The following HLA-DMA variants were observed in gnomAD, a reference collection of about 807,000 sequenced individuals.
HLA-DMA encodes the protein major histocompatibility complex, class II, DM alpha.
In HLA-DMA, 20 loss-of-function variants were observed where a neutral mutation model predicts 27.3. The ratio of observed to expected loss-of-function variants is 0.73; its 90% CI spans 0.52 to 1.07. The LOEUF (loss-of-function observed/expected upper bound fraction) is 1.07, where lower values mean the gene tolerates loss of function less well. HLA-DMA is among the 50% of genes least tolerant of loss of function. The pLI is 0.00. For missense variants in HLA-DMA, 241 were observed against 321.7 expected (o/e 0.75, Z 1.92); for synonymous variants, 111 against 126.8 (o/e 0.88, Z 0.83).
chr6:32,952,897 C>T, intron 1 of HLA-DMA, 52 bp downstream of exon 1: 1 of 1,406,178 alleles, frequency 7.1e-7, no homozygotes, highest in Non-Finnish European at 1.0e-6. Context: ...CCTCACAAAG[C>T]TGAGTGGGCT....
In HLA-DMA at chr6:32,952,984, A is replaced by C; in HGVS notation, c.53T>G (p.Leu18Arg). The stretch of plus-strand genomic sequence containing the variant: ...GGCCCAGGAGTGGGGTAGCAGCCAC[A>C]GAAGTGGTAACATCTGTAGCAGCGC... ...GAALLQMLPLLWLLPHSWAVP... is the reference protein window; with the variant it reads ...GAALLQMLPLRWLLPHSWAVP... The change falls in exon 1 of 5, where the codon CTG becomes CGG. Residue 18 changes from leucine to arginine, a missense_variant. Leu to Arg is a moderately radical substitution (Grantham distance 102). Coordinates refer to ENST00000374843, the MANE Select transcript of HLA-DMA (RefSeq NM_006120.4). 1 of 1,612,994 alleles carries C rather than the reference A, an allele frequency of 6.2e-7. No individual in the cohort carries two copies. Among genetic ancestry groups the C allele is most frequent in the Admixed American group, 1.7e-5 (1 of 60,024 alleles).
At position 32,949,296 on chromosome 6, in the gene HLA-DMA, G is replaced by C; in HGVS notation, c.756C>G (p.Ile252Met). The change falls in exon 4 of 5, where the codon ATC becomes ATG. Residue 252 changes from isoleucine to methionine, a missense_variant. Physicochemically the swap from Ile to Met is conservative, Grantham distance 10. Transcript: ENST00000374843. This position sits in a 1 kb window ranked among gnomAD's most constrained non-coding sequence, Gnocchi z 5.8. ...CACCTGAGCAAGGCTTCCGGAAGTA[G>C]ATGATGAGAACAATGCCCACGATGA... is the stretch of plus-strand genomic sequence containing the variant. The part of the protein sequence containing the change: ...LGIIVGIVLI[I>M]YFRKPCSGD 6.2e-7 allele frequency: 1 copy of C among 1,614,206 alleles called. No individual in the cohort carries two copies. Among genetic ancestry groups the C allele is most frequent in the Non-Finnish European group, 8.5e-7 (1 of 1,180,034 alleles).
In HLA-DMA at chr6:32,950,413, A is replaced by G; in HGVS notation, c.373+106T>C. On this transcript the variant is annotated intron_variant, in intron 2 of 4. Transcript: ENST00000374843. The surrounding 1 kb of genome is among the most constrained non-coding windows in gnomAD (Gnocchi z 5.0). ...AAAAATTAAGGTGATGAAGAGAACC[A>G]GAAAGTATTTGAGATGGGGAGCTGG... is the stretch of plus-strand genomic sequence containing the variant. 1.5e-6 allele frequency: 2 copies of G among 1,365,172 alleles called. No homozygotes were observed. The highest frequency in any genetic ancestry group is 2.0e-6 in the Non-Finnish European group (2 of 981,742). 84.6% of individuals were successfully genotyped at this position (1,365,172 alleles called of 1,614,324 possible). A position where few individuals can be genotyped will look rare whatever the true frequency, so the allele number is the denominator to read the frequency against.
In HLA-DMA at chr6:32,952,959, G is replaced by C. The variant is rs745478147; in HGVS notation, c.78C>G (p.Ala26=). 6 of 1,612,020 alleles carry C rather than the reference G, an allele frequency of 3.7e-6. No individual in the cohort carries two copies. The South Asian group carries it at 5.5e-5, about 15-fold the overall frequency. The change falls in exon 1 of 5, where the codon GCC becomes GCG. Residue 26 remains alanine (A), a synonymous_variant. Coordinates refer to ENST00000374843, the MANE Select transcript of HLA-DMA (RefSeq NM_006120.4). ...PLLWLLPHSW[A]VPEAPTPMWP... The stretch of plus-strand genomic sequence containing the variant: ...GGAGTACCATCTTACCTTCAGGGAC[G>C]GCCCAGGAGTGGGGTAGCAGCCACA...
chr6:32,952,379 A>G (rs750880147), intron 1 of HLA-DMA: 1 of 471,388 alleles, frequency 2.1e-6, no homozygotes, highest in Non-Finnish European at 4.4e-6. Flanking sequence ...AAAGACAGCA[A>G]TGGGAGAAGT....
intron 1 of HLA-DMA, among the ~76,000 whole-genome samples, chr6:32,951,239 T>A (rs1776885218): frequency 6.6e-6 from 1 of 152,082 alleles, no homozygotes; most frequent in Non-Finnish European, 1.5e-5. Flanking sequence ...AGACTCCCCC[T>A]CCCAAAGGGG....
rs370209583 is a variant in HLA-DMA, at chr6:32,950,703, G to A, written c.189C>T (p.Tyr63=). ...GSPSVGLSEA[Y]DEDQLFFFDF... ...CGAAGAAGAAAAGCTGGTCCTCGTC[G>A]TAGGCCTCAGAGAGTCCCACACTGG... is the stretch of plus-strand genomic sequence containing the variant. The change falls in exon 2 of 5, where the codon TAC becomes TAT. Residue 63 remains tyrosine, a synonymous_variant. Coordinates refer to ENST00000374843, the MANE Select transcript of HLA-DMA (RefSeq NM_006120.4). The surrounding 1 kb of genome is among the most constrained non-coding windows in gnomAD (Gnocchi z 5.0). 26 of 1,612,966 alleles carry A rather than the reference G, an allele frequency of 1.6e-5. No homozygotes were observed. Among genetic ancestry groups the A allele is most frequent in the African/African-American group, 2.7e-5 (2 of 74,922 alleles).
rs757266579 is a variant in HLA-DMA, at chr6:32,950,664, G to A, written c.228C>T (p.Asn76=). The change falls in exon 2 of 5, where the codon AAC becomes AAT. Residue 76 remains asparagine (N), a synonymous_variant. Coordinates refer to ENST00000374843, the MANE Select transcript of HLA-DMA (RefSeq NM_006120.4). This position sits in a 1 kb window ranked among gnomAD's most constrained non-coding sequence, Gnocchi z 5.0. ...DQLFFFDFSQ[N]TRVPRLPEFA... ...ATTCGGGCAGGCGAGGCACCCGAGT[G>A]TTCTGGGAAAAGTCGAAGAAGAAAA... 6.8e-6 allele frequency: 11 copies of A among 1,613,116 alleles called. No homozygotes were observed. The Middle Eastern group carries it at 4.9e-4, about 73-fold the overall frequency.
chr6:32,951,043 G>A (rs577068638), intron 1 of HLA-DMA, among the ~76,000 whole-genome samples: 5 of 152,208 alleles, frequency 3.3e-5, no homozygotes, highest in South Asian at 2.1e-4. Flanking sequence ...GTAGCTACTC[G>A]GGAGGCTGAG....
In HLA-DMA at chr6:32,948,772, C is replaced by T. The variant is rs1582836590; in HGVS notation, c.*92G>A. 1 of 1,270,858 alleles carries T rather than the reference C, an allele frequency of 7.9e-7. No individual in the cohort carries two copies. Among genetic ancestry groups the T allele is most frequent in the Non-Finnish European group, 1.1e-6 (1 of 880,758 alleles). 78.7% of individuals were successfully genotyped at this position (1,270,858 alleles called of 1,614,324 possible). On this transcript the variant is annotated 3_prime_UTR_variant, in exon 5 of 5. Coordinates refer to ENST00000374843, the MANE Select transcript of HLA-DMA (RefSeq NM_006120.4). ...CAGGGATGTCCCAGAGACTTCTACCCTAAGAGGAGATCCTGGGCAGGATGT... is the reference window on the plus strand; with the variant it reads ...CAGGGATGTCCCAGAGACTTCTACCTTAAGAGGAGATCCTGGGCAGGATGT...
At position 32,949,980 on chromosome 6, in the gene HLA-DMA, G is replaced by C; in HGVS notation, c.374-91C>G. On this transcript the variant is annotated intron_variant, in intron 2 of 4. Transcript: ENST00000374843. The surrounding 1 kb of genome is among the most constrained non-coding windows in gnomAD (Gnocchi z 5.8). ...GGGGCCATGGCATATGGAGGGGAGG[G>C]CAGAGAAGAACACAGTGGGTCAGGC... The C allele has an allele frequency of 6.2e-3, 6,613 of 1,064,424 alleles. No homozygotes were observed. Among genetic ancestry groups the C allele is most frequent in the Non-Finnish European group, 8.5e-3 (6,036 of 714,034 alleles). The allele number at this position is 1,064,424 out of a possible 1,614,324, so 65.9% of individuals were successfully genotyped here. A position where few individuals can be genotyped will look rare whatever the true frequency, so the allele number is the denominator to read the frequency against.
At chr6:32,951,237 C>A (rs1276360271) in intron 1 of HLA-DMA, among the ~76,000 whole-genome samples, 1 of 152,166 alleles carries the variant, frequency 6.6e-6, no homozygotes, top group East Asian at 1.9e-4. Context: ...TTAGACTCCC[C>A]CTCCCAAAGG....
chr6:32,949,622 A>G lies in HLA-DMA; in HGVS notation c.641T>C (p.Ile214Thr), dbSNP rs1443235059. 5 of 1,613,034 alleles carry G rather than the reference A, an allele frequency of 3.1e-6. No homozygotes were observed. The African/African-American group carries it at 4.0e-5, about 13-fold the overall frequency. The change falls in exon 3 of 5, where the codon ATT becomes ACT. Residue 214 changes from isoleucine to threonine, a missense_variant. Physicochemically the swap from Ile to Thr is moderately conservative, Grantham distance 89. Transcript: ENST00000374843. The surrounding 1 kb of genome is among the most constrained non-coding windows in gnomAD (Gnocchi z 5.8). ...VTHEIDRYTA[I>T]AYWVPRNALP... ...GGAGAAAGCCTCACCCCAATAGGCAATTGCTGTGTAGCGGTCAATTTCGTG... is the reference window on the plus strand; with the variant it reads ...GGAGAAAGCCTCACCCCAATAGGCAGTTGCTGTGTAGCGGTCAATTTCGTG...
intron 1 of HLA-DMA, 55 bp downstream of exon 1, chr6:32,952,892 CAA>C: frequency 7.3e-7 from 1 of 1,378,864 alleles, no homozygotes; most frequent in Non-Finnish European, 1.0e-6. Context: ...CTTTTCCTCA[CAA>C]AGCTGAGTGG....
intron 1 of HLA-DMA, chr6:32,952,492 T>C (rs1030765385): frequency 4.3e-6 from 2 of 462,646 alleles, no homozygotes; most frequent in Non-Finnish European, 9.0e-6. Flanking sequence ...AAACAGACAT[T>C]TGGAGGAAGA....
Position 32,949,302 on chromosome 6 carries a change from G to A in HLA-DMA, c.750C>T (p.Leu250=), listed in dbSNP as rs957983840. 2.5e-6 allele frequency: 4 copies of A among 1,614,082 alleles called. No homozygotes were observed. The highest frequency in any genetic ancestry group is 3.4e-6 in the Non-Finnish European group (4 of 1,180,038). Residue 250 remains leucine, a synonymous_variant, in exon 4 of 5, where the codon CTC becomes CTT. Coordinates refer to ENST00000374843, the MANE Select transcript of HLA-DMA (RefSeq NM_006120.4). This position sits in a 1 kb window ranked among gnomAD's most constrained non-coding sequence, Gnocchi z 5.8. ...AGCAAGGCTTCCGGAAGTAGATGAT[G>A]AGAACAATGCCCACGATGATGCCCA... ...GVLGIIVGIV[L]IIYFRKPCSG...
chr6:32,950,903 T>C lies in HLA-DMA; in HGVS notation c.89-100A>G. The C allele has an allele frequency of 1.6e-6, 2 of 1,255,650 alleles. No individual in the cohort carries two copies. The highest frequency in any genetic ancestry group is 2.2e-6 in the Non-Finnish European group (2 of 905,354). 77.8% of individuals were successfully genotyped at this position (1,255,650 alleles called of 1,614,324 possible). A position where few individuals can be genotyped will look rare whatever the true frequency, so the allele number is the denominator to read the frequency against. Reference sequence around the variant, plus strand: ...TAGGCGCAGTGGCTCATGCCTGTAATCCCAGCACTTTGGGAGGCCAAGGTG... The same window carrying C: ...TAGGCGCAGTGGCTCATGCCTGTAACCCCAGCACTTTGGGAGGCCAAGGTG... On this transcript the variant is annotated intron_variant, in intron 1 of 4. Coordinates refer to ENST00000374843, the MANE Select transcript of HLA-DMA (RefSeq NM_006120.4). The surrounding 1 kb of genome is among the most constrained non-coding windows in gnomAD (Gnocchi z 5.0).
rs1208541740 is a variant in HLA-DMA at position 32,950,764 on chromosome 6, G to A, written c.128C>T (p.Thr43Ile). The A allele has an allele frequency of 6.2e-7, 1 of 1,612,794 alleles. No homozygotes were observed. The highest frequency in any genetic ancestry group is 8.5e-7 in the Non-Finnish European group (1 of 1,179,786). The change falls in exon 2 of 5, where the codon ACA (threonine) becomes ATA (isoleucine). Residue 43 changes from threonine to isoleucine, a missense_variant. Coordinates refer to ENST00000374843, the MANE Select transcript of HLA-DMA (RefSeq NM_006120.4). This position sits in a 1 kb window ranked among gnomAD's most constrained non-coding sequence, Gnocchi z 5.0. ...PMWPDDLQNH[T>I]FLHTVYCQDG... ...CTGGCAGTACACTGTGTGCAGGAAT[G>A]TGTGGTTTTGCAGGTCATCTGGCCA...
chr6:32,948,834 C>T lies in HLA-DMA; in HGVS notation c.*30G>A, dbSNP rs768697796. The T allele has an allele frequency of 2.5e-6, 4 of 1,613,850 alleles. No individual in the cohort carries two copies. The South Asian group carries it at 4.4e-5, about 18-fold the overall frequency. Reference sequence around the variant, plus strand: ...GCATCCTCTGTTTGGATGGCCGAAGCTGCTGGCATCAAACTCTGGTCTGGA... The same window carrying T: ...GCATCCTCTGTTTGGATGGCCGAAGTTGCTGGCATCAAACTCTGGTCTGGA... On this transcript the variant is annotated 3_prime_UTR_variant, in exon 5 of 5. Transcript: ENST00000374843.
Sources: allele counts gnomAD v4.1 joint callset (sites outside exome capture counted in the v4.1 genomes callset), GRCh38; gene constraint gnomAD v4.1.1; non-coding constraint Gnocchi (gnomAD v3.1); transcripts MANE v1.5; gene names NCBI Gene and HGNC (gene_info 2026-07-23, HGNC 2026-07-21).